The following TUT4 variants were observed in gnomAD, a reference collection of about 807,000 sequenced individuals.
TUT4 encodes terminal uridylyltransferase 4.
In TUT4, 36 loss-of-function variants were observed where a neutral mutation model predicts 192.2. That is an observed-to-expected ratio of 0.19 (90% CI 0.14 to 0.25). The LOEUF is 0.25. TUT4 is among the 10% of genes least tolerant of loss of function. The probability of loss-of-function intolerance (pLI) is 1.00; values close to 1 mark genes in which losing one functional copy is unlikely to be tolerated. For synonymous variants in TUT4, 618 were observed against 666.0 expected (o/e 0.93, Z 1.11); for missense variants, 1,493 against 1,957.2 (o/e 0.76, Z 4.47).
At chr1:52,452,094 T>C (rs115764577) in intron 20 of TUT4, among the ~76,000 whole-genome samples, 1,860 of 151,380 alleles carry the variant, frequency 0.012, 32 homozygotes, top group African/African-American at 0.043. Context: ...AAGGAACACT[T>C]CCTAACTCAT....
intron 20 of TUT4, among the ~76,000 whole-genome samples, chr1:52,452,092 C>T (rs1416530842): frequency 6.6e-6 from 1 of 151,432 alleles, no homozygotes; most frequent in South Asian, 2.1e-4. Flanking sequence ...AGAAGGAACA[C>T]TTCCTAACTC....
intron 4 of TUT4, among the ~76,000 whole-genome samples, chr1:52,498,950 A>C (rs1673329073): frequency 1.2e-5 from 1 of 84,372 alleles, no homozygotes; most frequent in African/African-American, 4.2e-5. Context: ...ATATATATAT[A>C]TATATATATG....
At chr1:52,425,245 C>G (rs1039334549) in intron 29 of TUT4, 104 bp downstream of exon 29, 9 of 1,375,330 alleles carry the variant, frequency 6.5e-6, no homozygotes, top group African/African-American at 1.5e-5. Context: ...TAAATGTTTA[C>G]TGAATTCATG....
chr1:52,443,944 T>G (rs1326733705), intron 24 of TUT4, among the ~76,000 whole-genome samples: 1 of 152,070 alleles, frequency 6.6e-6, no homozygotes, highest in East Asian at 1.9e-4. Flanking sequence ...AATTAAAATA[T>G]TAGTCAAATT....
At chr1:52,481,782 T>C (rs1668537406) in intron 10 of TUT4, 22 bp downstream of exon 10, 1 of 1,569,422 alleles carries the variant, frequency 6.4e-7, no homozygotes, top group South Asian at 1.2e-5. Flanking sequence ...TATGCATATA[T>C]ATGTCACAAA....
chr1:52,501,945 G>A (rs947913612), intron 4 of TUT4, among the ~76,000 whole-genome samples: 2 of 152,118 alleles, frequency 1.3e-5, no homozygotes, highest in Non-Finnish European at 2.9e-5. Flanking sequence ...AGGGGCTGCA[G>A]GGAGAGGGGA....
chr1:52,458,981 C>T (rs749498317), intron 19 of TUT4, among the ~76,000 whole-genome samples: 4 of 151,824 alleles, frequency 2.6e-5, no homozygotes, highest in Non-Finnish European at 2.9e-5. Flanking sequence ...AAATAATTAA[C>T]GACTATTCAC....
rs77662737 is a variant in TUT4, at chr1:52,431,644, G to A, written c.4264-184C>T. ...TCAAGTAGGTATTGCCTCACAAATC[G>A]TTTTATTGTCCAAAGAAACGAGAGC... is the stretch of plus-strand genomic sequence containing the variant. On this transcript the variant is annotated intron_variant, in intron 27 of 29. Coordinates refer to ENST00000257177, the MANE Select transcript of TUT4 (RefSeq NM_001009881.3). 2,230 of 431,938 alleles carry A rather than the reference G, an allele frequency of 5.2e-3. 58 individuals are homozygous for A. The highest frequency in any genetic ancestry group is 0.042 in the African/African-American group (2,083 of 49,200). The allele number at this position is 431,938 out of a possible 1,614,324, so 26.8% of individuals were successfully genotyped here. A position where few individuals can be genotyped will look rare whatever the true frequency, so the allele number is the denominator to read the frequency against.
chr1:52,519,156 T>C (rs1327304320), intron 2 of TUT4, among the ~76,000 whole-genome samples: 1 of 151,900 alleles, frequency 6.6e-6, no homozygotes, highest in Non-Finnish European at 1.5e-5. Context: ...ACAAACAAAA[T>C]GTAATATATC....
At chr1:52,456,441 T>TAA (rs1660983398) in intron 20 of TUT4, among the ~76,000 whole-genome samples, 1 of 66,586 alleles carries the variant, frequency 1.5e-5, no homozygotes. Context: ...AAAAAAAAGA[T>TAA]AAAATAGATT....
At chr1:52,521,002 C>CA (rs1424766298) in intron 2 of TUT4, among the ~76,000 whole-genome samples, 1 of 152,116 alleles carries the variant, frequency 6.6e-6, no homozygotes, top group Non-Finnish European at 1.5e-5. Flanking sequence ...CCATGTTAGC[C>CA]AGGCTGGTCT....
At chr1:52,447,054 C>G (rs563692861) in intron 20 of TUT4, among the ~76,000 whole-genome samples, 40 of 152,280 alleles carry the variant, frequency 2.6e-4, no homozygotes, top group Admixed American at 1.8e-3. Context: ...ACTGATTGTG[C>G]ACCCAAAGGA....
intron 24 of TUT4, among the ~76,000 whole-genome samples, chr1:52,441,444 A>ATTTTTTTTTTTTTTT (rs557710242): frequency 3.3e-5 from 4 of 119,984 alleles, no homozygotes; most frequent in African/African-American, 7.3e-5. Context: ...TCTCGGCTAA[A>ATTTTTTTTTTTTTTT]TTTTTTTTTT....
At chr1:52,444,240 GA>G (rs569256684) in intron 24 of TUT4, among the ~76,000 whole-genome samples, 5 of 150,894 alleles carry the variant, frequency 3.3e-5, no homozygotes, top group African/African-American at 1.2e-4. Context: ...CTCAAAAAAA[GA>G]AAAAAAAATT....
At chr1:52,463,652 A>G in intron 16 of TUT4, 1 of 1,303,980 alleles carries the variant, frequency 7.7e-7, no homozygotes, top group Non-Finnish European at 1.0e-6. Flanking sequence ...CTGGTAAAGG[A>G]CTGAACATCT....
intron 1 of TUT4, among the ~76,000 whole-genome samples, chr1:52,539,057 A>G (rs1018510992): frequency 6.6e-6 from 1 of 152,224 alleles, no homozygotes; most frequent in Non-Finnish European, 1.5e-5. Flanking sequence ...TCAATAGGGT[A>G]AGGAACACAA....
Position 52,443,921 on chromosome 1 carries a change from T to C in TUT4, c.3822+1866A>G, listed in dbSNP as rs190534175. 3.9e-5 allele frequency among the ~76,000 whole-genome samples: 6 copies of C among 152,270 alleles called. No individual in the cohort carries two copies. The South Asian group carries it at 6.2e-4, about 16-fold the overall frequency. ...TGTATTTGTTTTGATCTGTTTTTCA[T>C]TGTTTCTATTTCAATTAAAATATTA... On this transcript the variant is annotated intron_variant, in intron 24 of 29. Coordinates refer to ENST00000257177, the MANE Select transcript of TUT4 (RefSeq NM_001009881.3).
intron 7 of TUT4, among the ~76,000 whole-genome samples, chr1:52,492,806 T>C (rs1671505651): frequency 6.6e-6 from 1 of 152,168 alleles, no homozygotes; most frequent in Non-Finnish European, 1.5e-5. Flanking sequence ...ACAAAGGCAA[T>C]CCAGACAGAA....
At chr1:52,495,307 C>T (rs1672175199) in intron 6 of TUT4, 120 bp downstream of exon 6, 3 of 507,108 alleles carry the variant, frequency 5.9e-6, no homozygotes, top group Admixed American at 4.1e-5. Flanking sequence ...TGTTTAGTCA[C>T]GATGGTAACA....
Sources: allele counts gnomAD v4.1 joint callset (sites outside exome capture counted in the v4.1 genomes callset), GRCh38; gene constraint gnomAD v4.1.1; transcripts MANE v1.5; gene names NCBI Gene and HGNC (gene_info 2026-07-23, HGNC 2026-07-21).